The following PACC1 variants were observed in gnomAD, a reference collection of about 807,000 sequenced individuals.
PACC1 encodes proton activated chloride channel 1.
A neutral mutation model predicts 39.7 loss-of-function variants in PACC1; 34 were observed. The observed-to-expected ratio is 0.86, with a 90% CI of 0.65 to 1.14. The LOEUF (loss-of-function observed/expected upper bound fraction) is 1.14, where lower values mean the gene tolerates loss of function less well. Among genes scored for constraint, PACC1 ranks in the 50% most tolerant of loss-of-function variants. The pLI is 0.00. For missense variants in PACC1, 379 were observed against 436.4 expected, an observed-to-expected ratio of 0.87 and a Z score of 1.17; for synonymous variants, 127 against 160.6, an observed-to-expected ratio of 0.79 and a Z score of 1.58.
intron 7 of PACC1, 88 bp downstream of exon 7, chr1:212,375,105 C>CATCATAATCTTAAATAATACATCT: frequency 9.3e-7 from 1 of 1,071,224 alleles, no homozygotes; most frequent in Non-Finnish European, 1.4e-6. Context: ...TTCAGGGCAG[C>CATCATAATCTTAAATAATACATCT]ATCATAATCT....
chr1:212,377,317 A>G (rs1174379176), intron 6 of PACC1, among the ~76,000 whole-genome samples: 2 of 152,168 alleles, frequency 1.3e-5, no homozygotes, highest in Non-Finnish European at 1.5e-5. Flanking sequence ...GCAAGCCACA[A>G]TGATCTCTGC....
intron 2 of PACC1, among the ~76,000 whole-genome samples, chr1:212,399,921 C>T (rs773803610): frequency 6.6e-6 from 1 of 151,820 alleles, no homozygotes; most frequent in South Asian, 2.1e-4. Flanking sequence ...CTTGGTTCAC[C>T]GCAACCTCCG....
chr1:212,380,522 C>CT (rs1054076560), intron 4 of PACC1, among the ~76,000 whole-genome samples: 15 of 151,920 alleles, frequency 9.9e-5, no homozygotes, highest in African/African-American at 3.4e-4. Context: ...ACTTTTTAAT[C>CT]TTTTTTACAT....
chr1:212,373,376 G>A (rs1235840276), intron 7 of PACC1, among the ~76,000 whole-genome samples: 1 of 139,376 alleles, frequency 7.2e-6, no homozygotes, highest in African/African-American at 2.7e-5. Flanking sequence ...TCAAATCTAA[G>A]ACTTGAAATT....
At chr1:212,402,482 G>T (rs1427419684) in intron 2 of PACC1, among the ~76,000 whole-genome samples, 1 of 152,124 alleles carries the variant, frequency 6.6e-6, no homozygotes. Flanking sequence ...TGTCTATTCA[G>T]ATTCTTTGCC....
chr1:212,366,168 T>C (rs1292860600), intron 7 of PACC1, among the ~76,000 whole-genome samples: 1 of 152,206 alleles, frequency 6.6e-6, no homozygotes, highest in Admixed American at 6.5e-5. Flanking sequence ...CCCTTCACAG[T>C]TCCTTATGGT....
chr1:212,375,139 TTAAA>T lies in PACC1; in HGVS notation c.891+50_891+53del, dbSNP rs1660599591. 2.4e-5 allele frequency: 34 copies of T among 1,396,934 alleles called. No homozygotes were observed. The South Asian group carries it at 3.6e-4, about 15-fold the overall frequency. 86.5% of individuals were successfully genotyped at this position (1,396,934 alleles called of 1,614,324 possible). On this transcript the variant is annotated intron_variant, in intron 7 of 7. Transcript: ENST00000261455. ...CTTAAATAATACATCTATCATAATC[TTAAA>T]TAATACTATCATAATCTTAAATAAT...
At chr1:212,389,842 G>A (rs933170694) in intron 2 of PACC1, among the ~76,000 whole-genome samples, 4 of 152,150 alleles carry the variant, frequency 2.6e-5, no homozygotes, top group African/African-American at 9.7e-5. Context: ...AAGATGATGA[G>A]TTTTACATTA....
At position 212,414,785 on chromosome 1, in the gene PACC1, G is replaced by A; in HGVS notation, c.-28C>T. The A allele has an allele frequency of 1.9e-6, 3 of 1,610,924 alleles. No individual in the cohort carries two copies. Among genetic ancestry groups the A allele is most frequent in the Non-Finnish European group, 2.5e-6 (3 of 1,177,558 alleles). On this transcript the variant is annotated 5_prime_UTR_variant, in exon 1 of 8. Coordinates refer to ENST00000261455, the MANE Select transcript of PACC1 (RefSeq NM_018252.3). ...CACTGACCAGAGCTTCGGCACACCT[G>A]AGACCGCCCCAGCCCGCGGCGCACG...
chr1:212,371,381 G>A lies in PACC1; in HGVS notation c.891+3812C>T, dbSNP rs145725079. Among the ~76,000 whole-genome samples, 397 of 151,818 alleles carry A rather than the reference G, an allele frequency of 2.6e-3. 2 individuals carry two copies. The highest frequency in any genetic ancestry group is 8.7e-3 in the African/African-American group (361 of 41,392). Reference sequence around the variant, plus strand: ...CACCAAAATAAAAGACATTACAACTGATGCCACAGTAATATAAAGGATCAT... The same window carrying A: ...CACCAAAATAAAAGACATTACAACTAATGCCACAGTAATATAAAGGATCAT... On this transcript the variant is annotated intron_variant, in intron 7 of 7. Transcript: ENST00000261455.
At chr1:212,409,400 G>A (rs896956132) in intron 2 of PACC1, among the ~76,000 whole-genome samples, 28 of 152,144 alleles carry the variant, frequency 1.8e-4, no homozygotes, top group Non-Finnish European at 3.5e-4. Context: ...TTAACTATGT[G>A]AAGAAGGAAA....
intron 2 of PACC1, among the ~76,000 whole-genome samples, chr1:212,393,340 G>C (rs1661396787): frequency 6.6e-6 from 1 of 152,182 alleles, no homozygotes; most frequent in South Asian, 2.1e-4. Flanking sequence ...ATGACTACTG[G>C]GTACATAAGG....
chr1:212,368,659 A>G (rs1660329822), intron 7 of PACC1, among the ~76,000 whole-genome samples: 1 of 152,112 alleles, frequency 6.6e-6, no homozygotes, highest in Admixed American at 6.6e-5. Context: ...GACAAATTAT[A>G]TGAAAATACA....
At chr1:212,414,592 C>A in intron 1 of PACC1, 130 bp downstream of exon 1, 2 of 1,180,066 alleles carry the variant, frequency 1.7e-6, no homozygotes, top group Middle Eastern at 2.6e-4. Context: ...CCTCCCCTGA[C>A]GCACCCGTCG....
At chr1:212,365,440 T>TC (rs1660203000) in intron 7 of PACC1, 64 bp from the exon 8 acceptor site, 1 of 1,502,268 alleles carries the variant, frequency 6.7e-7, no homozygotes, top group Non-Finnish European at 8.9e-7. Flanking sequence ...TTTTTTTTTT[T>TC]TTTTTTTTGA....
At chr1:212,411,761 T>C (rs1662135158) in intron 1 of PACC1, among the ~76,000 whole-genome samples, 1 of 152,200 alleles carries the variant, frequency 6.6e-6, no homozygotes, top group Non-Finnish European at 1.5e-5. Flanking sequence ...GAATCTATTC[T>C]TCTATCTCCC....
intron 1 of PACC1, chr1:212,413,925 G>A (rs978530044): frequency 1.0e-5 from 16 of 1,535,138 alleles, no homozygotes; most frequent in Non-Finnish European, 1.4e-5. Context: ...TGGCCAATGA[G>A]GCGGCACGAT....
chr1:212,413,795 G>A, intron 1 of PACC1: 1 of 1,308,378 alleles, frequency 7.6e-7, no homozygotes, highest in Non-Finnish European at 1.0e-6. Flanking sequence ...AGGGCCTCAA[G>A]GCAAATCTGG....
At chr1:212,383,760 C>CT (rs1660991590) in intron 4 of PACC1, among the ~76,000 whole-genome samples, 1 of 152,224 alleles carries the variant, frequency 6.6e-6, no homozygotes, top group African/African-American at 2.4e-5. Flanking sequence ...TGGAAGCACA[C>CT]TGAGTTTTCC....
Sources: allele counts gnomAD v4.1 joint callset (sites outside exome capture counted in the v4.1 genomes callset), GRCh38; gene constraint gnomAD v4.1.1; transcripts MANE v1.5; gene names NCBI Gene and HGNC (gene_info 2026-07-23, HGNC 2026-07-21).